Variants in GABRB2 observed in about 807,000 individuals in gnomAD.
GABRB2 encodes gamma-aminobutyric acid type A receptor subunit beta2, also known as gamma-aminobutyric acid receptor subunit beta-2.
In GABRB2, 16 loss-of-function variants were observed where a neutral mutation model predicts 54.7. The observed-to-expected ratio is 0.29, with a 90% CI of 0.20 to 0.44. GABRB2 has a LOEUF of 0.44. Ranked by LOEUF, GABRB2 falls within the 20% of genes least tolerant of loss-of-function variation. GABRB2 has a pLI of 1.00. For synonymous variants in GABRB2, 244 were observed against 233.8 expected, an observed-to-expected ratio of 1.04 and a Z score of -0.40; for missense variants, 355 against 644.0, an observed-to-expected ratio of 0.55 and a Z score of 4.86.
rs982764804 is a variant in GABRB2 at position 161,294,242 on chromosome 5, C to T, written c.1378G>A (p.Val460Met). Residue 460 changes from valine (V) to methionine (M), a missense_variant, in exon 10 of 10, where the codon GTG becomes ATG. By Grantham distance (21) the Val-to-Met change is conservative. Around this residue, in one of 6 missense-constraint regions of GABRB2, gnomAD observed 201 missense variants for 228.1 expected, o/e 0.88. Transcript: ENST00000393959. ...CTCAGGCGACTTTTCTTTTGCGCCA[C>T]ATGTCGTTCCAGAGCATTTCGGCCA... ...SFGRNALERHVAQKKSRLRRR... is the reference protein window; with the variant it reads ...SFGRNALERHMAQKKSRLRRR... The T allele has an allele frequency of 3.1e-6, 5 of 1,614,042 alleles. No individual in the cohort carries two copies. The East Asian group carries it at 6.7e-5, about 22-fold the overall frequency.
At position 161,363,091 on chromosome 5, in the gene GABRB2, C is replaced by T. The variant is rs140917419; in HGVS notation, c.542-26322G>A. On this transcript the variant is annotated intron_variant, in intron 5 of 9. Transcript: ENST00000393959. ...GACACATGCACACGTATGTTAATTG[C>T]GGCACTGTTCACAATAGCAAAGACT... 1.3e-3 allele frequency among the ~76,000 whole-genome samples: 205 copies of T among 152,202 alleles called. 1 individual carries two copies. The East Asian group carries it at 0.029, about 21-fold the overall frequency.
At chr5:161,370,498 T>C (rs1461811696) in intron 5 of GABRB2, among the ~76,000 whole-genome samples, 1 of 152,200 alleles carries the variant, frequency 6.6e-6, no homozygotes, top group East Asian at 1.9e-4. Context: ...AGGGGCTTTG[T>C]GGCCAAACTC....
chr5:161,446,412 G>A (rs1460659078), intron 4 of GABRB2, among the ~76,000 whole-genome samples: 3 of 152,034 alleles, frequency 2.0e-5, no homozygotes, highest in Non-Finnish European at 4.4e-5. Flanking sequence ...TAATATTTAG[G>A]TAATCAAAGT....
At chr5:161,308,253 C>T (rs983458103) in intron 9 of GABRB2, among the ~76,000 whole-genome samples, 2 of 152,094 alleles carry the variant, frequency 1.3e-5, no homozygotes, top group African/African-American at 4.8e-5. Flanking sequence ...AGACTGACCC[C>T]CTGTTTAGGT....
chr5:161,405,838 A>G (rs1042599534), intron 5 of GABRB2, among the ~76,000 whole-genome samples: 1 of 152,092 alleles, frequency 6.6e-6, no homozygotes, highest in Non-Finnish European at 1.5e-5. Flanking sequence ...ATCAATCTAT[A>G]CTGACCCCTT....
Position 161,465,553 on chromosome 5 carries a change from T to C in GABRB2, c.238-5709A>G, listed in dbSNP as rs141847982. Among the ~76,000 whole-genome samples, 128 of 152,288 alleles carry C rather than the reference T, an allele frequency of 8.4e-4. 1 individual carries two copies. In the East Asian group the frequency reaches 0.022, roughly 26 times the overall value. On this transcript the variant is annotated intron_variant, in intron 3 of 9. Transcript: ENST00000393959. ...TTTATTGTCTTTATAGTTTGTTTTC[T>C]ATTGCCAAGATTTAAACCTTTCTTG...
At chr5:161,401,217 G>A (rs1048978289) in intron 5 of GABRB2, among the ~76,000 whole-genome samples, 2 of 152,048 alleles carry the variant, frequency 1.3e-5, no homozygotes, top group Non-Finnish European at 2.9e-5. Context: ...CCAGAAGGTG[G>A]GTTTTCACTT....
Position 161,545,309 on chromosome 5 carries a change from G to C in GABRB2, c.170-15C>G, listed in dbSNP as rs759485903. ...CACGGGGGGACCTGCAAAGCAAGAC[G>C]GCCAGCCACGTGATTTCTTTGAACT... is the stretch of plus-strand genomic sequence containing the variant. On this transcript the variant is annotated splice_polypyrimidine_tract_variant and intron_variant, in intron 2 of 9. Transcript: ENST00000393959. 6.3e-7 allele frequency: 1 copy of C among 1,582,696 alleles called. No homozygotes were observed. The highest frequency in any genetic ancestry group is 1.2e-5 in the South Asian group (1 of 86,634).
chr5:161,481,480 C>T (rs1043323137), intron 3 of GABRB2, among the ~76,000 whole-genome samples: 1 of 152,066 alleles, frequency 6.6e-6, no homozygotes, highest in South Asian at 2.1e-4. Flanking sequence ...TCTGACTTCC[C>T]CAAAGTGAAG....
At chr5:161,544,002 T>C (rs1239912707) in intron 3 of GABRB2, among the ~76,000 whole-genome samples, 1 of 152,226 alleles carries the variant, frequency 6.6e-6, no homozygotes, top group East Asian at 1.9e-4. Flanking sequence ...ACAGTATTCA[T>C]TTGCTTCAGA....
intron 3 of GABRB2, among the ~76,000 whole-genome samples, chr5:161,472,236 T>C (rs1218566892): frequency 6.6e-6 from 1 of 151,870 alleles, no homozygotes; most frequent in South Asian, 2.1e-4. Context: ...CCAATATCAC[T>C]CAGTCAATAA....
intron 4 of GABRB2, among the ~76,000 whole-genome samples, chr5:161,450,920 G>T (rs1339519442): frequency 2.6e-5 from 4 of 151,962 alleles, no homozygotes; most frequent in Non-Finnish European, 5.9e-5. Context: ...TAGAGAATAG[G>T]TTCTCACATT....
chr5:161,318,631 C>T (rs1444786571), intron 9 of GABRB2, among the ~76,000 whole-genome samples: 1 of 151,950 alleles, frequency 6.6e-6, no homozygotes, highest in Non-Finnish European at 1.5e-5. Flanking sequence ...ACTTCCAGTA[C>T]AAAAATTCTT....
intron 5 of GABRB2, among the ~76,000 whole-genome samples, chr5:161,351,883 TG>T (rs1322965741): frequency 1.3e-5 from 2 of 151,990 alleles, no homozygotes; most frequent in African/African-American, 4.8e-5. Context: ...AATTAAAAAA[TG>T]GGCAAATAAC....
At chr5:161,366,007 A>G (rs1357759196) in intron 5 of GABRB2, among the ~76,000 whole-genome samples, 1 of 149,854 alleles carries the variant, frequency 6.7e-6, no homozygotes, top group Non-Finnish European at 1.5e-5. Flanking sequence ...GGCAGATACT[A>G]TTTACTTCAA....
At chr5:161,429,101 C>T (rs969239316) in intron 4 of GABRB2, among the ~76,000 whole-genome samples, 4 of 151,474 alleles carry the variant, frequency 2.6e-5, no homozygotes, top group Non-Finnish European at 5.9e-5. Flanking sequence ...AATCCCAGCA[C>T]TTTGGGAGGC....
At chr5:161,375,048 T>C (rs1755251851) in intron 5 of GABRB2, among the ~76,000 whole-genome samples, 1 of 152,214 alleles carries the variant, frequency 6.6e-6, no homozygotes, top group Admixed American at 6.5e-5. Flanking sequence ...GACAAAATGA[T>C]ATTTAGAAAC....
At chr5:161,470,973 T>G (rs1296422665) in intron 3 of GABRB2, among the ~76,000 whole-genome samples, 2 of 152,026 alleles carry the variant, frequency 1.3e-5, no homozygotes, top group African/African-American at 4.8e-5. Flanking sequence ...GGGTTTTAAA[T>G]GTTGATTTTA....
At chr5:161,394,410 T>A (rs1029185850) in intron 5 of GABRB2, among the ~76,000 whole-genome samples, 1 of 151,050 alleles carries the variant, frequency 6.6e-6, no homozygotes, top group Non-Finnish European at 1.5e-5. Context: ...ACTAACAGAG[T>A]CAGAAGATGA....
Sources: allele counts gnomAD v4.1 joint callset (sites outside exome capture counted in the v4.1 genomes callset), GRCh38; gene constraint gnomAD v4.1.1; regional missense constraint gnomAD v4.1.1; transcripts MANE v1.5; gene names NCBI Gene and HGNC (gene_info 2026-07-23, HGNC 2026-07-21).